Variants in EFCAB13 observed in about 807,000 individuals in gnomAD.
EFCAB13 encodes the protein EF-hand calcium binding domain 13.
Under a neutral mutation model 110.2 loss-of-function variants are expected in EFCAB13, and 91 were observed. That is an observed-to-expected ratio of 0.83 (90% CI 0.70 to 0.98). The LOEUF is 0.98. Ranked by LOEUF, EFCAB13 falls within the 50% of genes least tolerant of loss-of-function variation. The pLI is 0.00. For missense variants in EFCAB13, 968 were observed against 1,119.4 expected, an observed-to-expected ratio of 0.86 and a Z score of 1.93; for synonymous variants, 323 against 369.9, an observed-to-expected ratio of 0.87 and a Z score of 1.45.
intron 20 of EFCAB13, 50 bp downstream of exon 20, chr17:47,404,683 TCAAAG>T: frequency 7.1e-7 from 1 of 1,410,430 alleles, no homozygotes; most frequent in African/African-American, 1.4e-5. Context: ...CAGAACTTAT[TCAAAG>T]TTCACCTAGT....
chr17:47,377,718 A>G, intron 12 of EFCAB13, 48 bp from the exon 13 acceptor site: 1 of 1,463,564 alleles, frequency 6.8e-7, no homozygotes, highest in Non-Finnish European at 9.1e-7. Context: ...ATTGCTTTTG[A>G]CACATAAATT....
intron 22 of EFCAB13, 44 bp downstream of exon 22, chr17:47,412,960 C>A: frequency 1.3e-6 from 2 of 1,582,384 alleles, no homozygotes; most frequent in Non-Finnish European, 1.7e-6. Context: ...TTTTTTTCTA[C>A]TTATGAAAAA....
At chr17:47,375,044 A>G in intron 12 of EFCAB13, 78 bp downstream of exon 12, 2 of 1,409,576 alleles carry the variant, frequency 1.4e-6, no homozygotes, top group African/African-American at 1.5e-5. Context: ...AGATAGTTGT[A>G]AGCATTTCAA....
chr17:47,440,666 G>T lies in EFCAB13; in HGVS notation c.2874G>T (p.Leu958Phe). 2 of 1,600,908 alleles carry T rather than the reference G, an allele frequency of 1.2e-6. No homozygotes were observed. Among genetic ancestry groups the T allele is most frequent in the Non-Finnish European group, 1.7e-6 (2 of 1,175,974 alleles). Reference protein sequence around the residue: ...QHKISLHNFCLNSKANIAKLN... With the variant: ...QHKISLHNFCFNSKANIAKLN... ...AGATTAGTTTACATAACTTCTGTTTGAATTCTAAGGCAAATATTGCTAAGC... is the reference window on the plus strand; with the variant it reads ...AGATTAGTTTACATAACTTCTGTTTTAATTCTAAGGCAAATATTGCTAAGC... Residue 958 changes from leucine (L) to phenylalanine (F), a missense_variant, in exon 25 of 25, where the codon TTG (leucine) becomes TTT (phenylalanine). Coordinates refer to ENST00000331493, the MANE Select transcript of EFCAB13 (RefSeq NM_152347.5).
At chr17:47,424,028 G>A (rs984409401) in intron 23 of EFCAB13, among the ~76,000 whole-genome samples, 2 of 152,200 alleles carry the variant, frequency 1.3e-5, no homozygotes, top group Admixed American at 6.5e-5. Context: ...CGCGCCGCCC[G>A]AGGGCCCGCT....
rs1377507881 is a variant in EFCAB13 at position 47,377,637 on chromosome 17, T to G, written c.1373-129T>G. 3 of 693,672 alleles carry G rather than the reference T, an allele frequency of 4.3e-6. No individual in the cohort carries two copies. In the East Asian group the frequency reaches 9.5e-5, roughly 22 times the overall value. The allele number at this position is 693,672 out of a possible 1,614,324, so 43.0% of individuals were successfully genotyped here. On this transcript the variant is annotated intron_variant, in intron 12 of 24. Transcript: ENST00000331493. ...TAAACAGATATGGAGAGAAAAGCAG[T>G]CTTATAAAATCTATAAGGTAATATA... is the stretch of plus-strand genomic sequence containing the variant.
chr17:47,371,891 G>A (rs2065586776), intron 11 of EFCAB13, among the ~76,000 whole-genome samples: 1 of 151,842 alleles, frequency 6.6e-6, no homozygotes, highest in Non-Finnish European at 1.5e-5. Context: ...TGGGATTACA[G>A]GTGTGAGCCC....
intron 14 of EFCAB13, among the ~76,000 whole-genome samples, chr17:47,383,723 G>A (rs1263179021): frequency 1.3e-5 from 2 of 152,118 alleles, no homozygotes; most frequent in East Asian, 1.9e-4. Context: ...GAATAAGTGC[G>A]ATGTAGTGCT....
intron 9 of EFCAB13, among the ~76,000 whole-genome samples, chr17:47,348,716 T>C (rs1267968109): frequency 6.6e-6 from 1 of 151,822 alleles, no homozygotes; most frequent in African/African-American, 2.4e-5. Context: ...TGAATATCTT[T>C]TCATGTGCTT....
rs147962801 is a variant in EFCAB13, at chr17:47,335,676, C to T, written c.191+320C>T. On this transcript the variant is annotated intron_variant, in intron 5 of 24. Coordinates refer to ENST00000331493, the MANE Select transcript of EFCAB13 (RefSeq NM_152347.5). ...ATGGTTCTGCAGACTTTACAGGAAGCGAGGCTGGGGAAGCCTCAGGAAACT... is the reference window on the plus strand; with the variant it reads ...ATGGTTCTGCAGACTTTACAGGAAGTGAGGCTGGGGAAGCCTCAGGAAACT... 4.2e-3 allele frequency among the ~76,000 whole-genome samples: 636 copies of T among 152,168 alleles called. 16 individuals carry two copies. The highest frequency in any genetic ancestry group is 0.027 in the Admixed American group (420 of 15,282).
rs572019398 is a variant in EFCAB13, at chr17:47,433,713, T to C, written c.2638+3752T>C. On this transcript the variant is annotated intron_variant, in intron 24 of 24. Transcript: ENST00000331493. ...AAATTCTTCGGCAGGGACGATTTAT[T>C]CCTTCACTCCCATTAATTAATTAGT... Among the ~76,000 whole-genome samples the C allele has an allele frequency of 2.6e-3, 395 of 152,288 alleles. 4 individuals carry two copies. Among genetic ancestry groups the C allele is most frequent in the African/African-American group, 9.3e-3 (386 of 41,574 alleles).
chr17:47,341,163 A>G (rs2065382309), intron 5 of EFCAB13, among the ~76,000 whole-genome samples: 1 of 152,118 alleles, frequency 6.6e-6, no homozygotes. Context: ...AATTATAATG[A>G]TAATAAAAGG....
chr17:47,333,980 G>A (rs1193329042), intron 4 of EFCAB13, among the ~76,000 whole-genome samples: 2 of 152,056 alleles, frequency 1.3e-5, no homozygotes, highest in African/African-American at 4.8e-5. Context: ...AAATGACATC[G>A]GAATTTTGAG....
intron 23 of EFCAB13, among the ~76,000 whole-genome samples, chr17:47,421,245 C>T (rs990423173): frequency 1.3e-5 from 2 of 152,112 alleles, no homozygotes; most frequent in South Asian, 2.1e-4. Flanking sequence ...GGATGGTTGC[C>T]GTGTCTGTGT....
intron 9 of EFCAB13, among the ~76,000 whole-genome samples, chr17:47,360,243 CA>C (rs1189869705): frequency 6.6e-6 from 1 of 152,078 alleles, no homozygotes; most frequent in African/African-American, 2.4e-5. Flanking sequence ...GTCCCACCAA[CA>C]GTGTAAAAGT....
chr17:47,395,954 C>T lies in EFCAB13; in HGVS notation c.1922C>T (p.Ala641Val). 6.2e-7 allele frequency: 1 copy of T among 1,607,702 alleles called. No individual in the cohort carries two copies. Among genetic ancestry groups the T allele is most frequent in the East Asian group, 2.2e-5 (1 of 44,816 alleles). ...TTAAAAAAGGATGAATTTCTAGCTG[C>T]ATTGGAACTAGTGACAGTTGATGGT... ...SNLKKDEFLA[A>V]LELVTVDEGD... The change falls in exon 17 of 25, where the codon GCA becomes GTA. Residue 641 changes from alanine (A) to valine (V), a missense_variant. By Grantham distance (64) the Ala-to-Val change is moderately conservative. Transcript: ENST00000331493.
intron 24 of EFCAB13, among the ~76,000 whole-genome samples, chr17:47,438,498 C>CTTTTTTTTTTTTTT (rs112384926): frequency 7.0e-6 from 1 of 142,346 alleles, no homozygotes. Context: ...TAGTCTTATT[C>CTTTTTTTTTTTTTT]TTTTTTTTTT....
At chr17:47,387,230 G>A (rs963169156) in intron 14 of EFCAB13, among the ~76,000 whole-genome samples, 5 of 152,162 alleles carry the variant, frequency 3.3e-5, no homozygotes, top group African/African-American at 4.8e-5. Flanking sequence ...GTGGCCTGAC[G>A]TGTGGCCTAT....
intron 8 of EFCAB13, among the ~76,000 whole-genome samples, chr17:47,347,560 G>A (rs912779844): frequency 5.3e-5 from 8 of 152,250 alleles, no homozygotes; most frequent in Middle Eastern, 6.8e-3. Context: ...AGGGCAAGTT[G>A]TGGAAGCCTT....
Sources: allele counts gnomAD v4.1 joint callset (sites outside exome capture counted in the v4.1 genomes callset), GRCh38; gene constraint gnomAD v4.1.1; transcripts MANE v1.5; gene names NCBI Gene and HGNC (gene_info 2026-07-23, HGNC 2026-07-21).